The following RBFOX1 variants were observed in gnomAD, a reference collection of about 807,000 sequenced individuals.
The protein encoded by RBFOX1 is RNA binding fox-1 homolog 1, also known as RNA binding protein fox-1 homolog 1.
RBFOX1 carries 8 observed loss-of-function variants against 57.7 expected under a neutral mutation model. The observed-to-expected ratio is 0.14, with a 90% confidence interval of 0.08 to 0.25. The LOEUF (loss-of-function observed/expected upper bound fraction) is 0.25. RBFOX1 is among the 10% of genes least tolerant of loss of function. The probability of loss-of-function intolerance (pLI) is 1.00; values close to 1 mark genes in which losing one functional copy is unlikely to be tolerated. For missense variants in RBFOX1, 611 were observed against 548.5 expected, an observed-to-expected ratio of 1.11 and a Z score of -1.14; for synonymous variants, 326 against 222.4, an observed-to-expected ratio of 1.47 and a Z score of -4.15.
rs148931675 is a variant in RBFOX1, at chr16:5,490,801, A to G, written c.258+23547A>G. Among the ~76,000 whole-genome samples the G allele has an allele frequency of 7.4e-3, 1,134 of 152,294 alleles. 10 individuals carry two copies. The highest frequency in any genetic ancestry group is 0.023 in the African/African-American group (941 of 41,568). On this transcript the variant is annotated intron_variant, in intron 2 of 2. Coordinates refer to the RBFOX1 transcript ENST00000585867. Reference sequence around the variant, plus strand: ...GGGCTAGAAGTGCATCCGCCTCTGCACTGGGAGTTTTTCTTCTTAATAAAC... The same window carrying G: ...GGGCTAGAAGTGCATCCGCCTCTGCGCTGGGAGTTTTTCTTCTTAATAAAC...
chr16:6,898,301 G>A (rs1035347066), intron 3 of RBFOX1, among the ~76,000 whole-genome samples: 4 of 152,028 alleles, frequency 2.6e-5, no homozygotes, highest in Non-Finnish European at 5.9e-5. Context: ...GCCCCTCCAC[G>A]ACCTCTCAGA....
chr16:7,359,261 T>A (rs767469222), intron 4 of RBFOX1, among the ~76,000 whole-genome samples: 16 of 152,164 alleles, frequency 1.1e-4, no homozygotes, highest in Non-Finnish European at 2.9e-5. Flanking sequence ...TGAACTATCA[T>A]AGGATATGTA....
rs181563824 is a variant in RBFOX1, at chr16:5,284,312, T to C, written c.219+44207T>C. On this transcript the variant is annotated intron_variant, in intron 1 of 2. Transcript: ENST00000585867. ...AATACACCCGTGTTCCTTTTTTCCC[T>C]CATTATTTATGGTTGCAGTTTGGTG... Among the ~76,000 whole-genome samples the C allele has an allele frequency of 1.8e-3, 267 of 152,300 alleles. 2 individuals carry two copies. The highest frequency in any genetic ancestry group is 6.2e-3 in the African/African-American group (257 of 41,560).
At chr16:6,391,017 C>T (rs141718465) in intron 2 of RBFOX1, among the ~76,000 whole-genome samples, 10 of 152,194 alleles carry the variant, frequency 6.6e-5, no homozygotes, top group Non-Finnish European at 1.0e-4. Flanking sequence ...GCCTCTCTGG[C>T]CTCTACCCAC....
chr16:6,935,057 C>T (rs1009714397), intron 3 of RBFOX1, among the ~76,000 whole-genome samples: 1 of 151,912 alleles, frequency 6.6e-6, no homozygotes, highest in Non-Finnish European at 1.5e-5. Context: ...TTCCACTGCA[C>T]TCCAGCCTGC....
intron 3 of RBFOX1, among the ~76,000 whole-genome samples, chr16:6,874,823 G>A (rs1349311024): frequency 2.0e-5 from 3 of 152,154 alleles, no homozygotes; most frequent in Non-Finnish European, 4.4e-5. Context: ...TACTGATTGG[G>A]TGATGGGTGC....
chr16:6,346,495 C>G (rs75048589), intron 2 of RBFOX1, among the ~76,000 whole-genome samples: 4,375 of 142,682 alleles, frequency 0.031, 176 homozygotes, highest in African/African-American at 0.095. Context: ...ACTGTTCCAA[C>G]GAGGCAAGGC....
chr16:6,831,708 C>G (rs2092720447), intron 3 of RBFOX1, among the ~76,000 whole-genome samples: 1 of 152,132 alleles, frequency 6.6e-6, no homozygotes, highest in Admixed American at 6.5e-5. Context: ...CTCTTTGCCC[C>G]TTCCTCCATC....
intron 3 of RBFOX1, among the ~76,000 whole-genome samples, chr16:5,641,092 CCATGCATACA>C (rs1036101091): frequency 6.6e-6 from 1 of 151,662 alleles, no homozygotes; most frequent in Non-Finnish European, 1.5e-5. Context: ...CACATGCACA[CCATGCATACA>C]CATGCATACA....
chr16:7,371,881 A>T (rs562935082), intron 4 of RBFOX1, among the ~76,000 whole-genome samples: 1 of 151,872 alleles, frequency 6.6e-6, no homozygotes, highest in East Asian at 2.1e-4. Flanking sequence ...GCTTAATTTC[A>T]CTTGATGATA....
At chr16:6,348,199 C>T (rs994440786) in intron 2 of RBFOX1, among the ~76,000 whole-genome samples, 1 of 152,122 alleles carries the variant, frequency 6.6e-6, no homozygotes. Context: ...ATGTGGGGCA[C>T]ATGTGGGGTC....
chr16:7,313,473 G>A (rs5009030), intron 4 of RBFOX1, among the ~76,000 whole-genome samples: 1 of 132,278 alleles, frequency 7.6e-6, no homozygotes, highest in Non-Finnish European at 1.6e-5. Context: ...TTCTTTTCTT[G>A]TCTTTTTTTT....
chr16:5,983,703 G>C (rs1391287776), intron 4 of RBFOX1, among the ~76,000 whole-genome samples: 1 of 152,156 alleles, frequency 6.6e-6, no homozygotes, highest in East Asian at 1.9e-4. Context: ...ACACCCAAGA[G>C]AGCATCGAGT....
intron 4 of RBFOX1, among the ~76,000 whole-genome samples, chr16:7,494,829 ACTTTT>A (rs2068063637): frequency 4.9e-5 from 1 of 20,552 alleles, no homozygotes; most frequent in African/African-American, 1.6e-4. Context: ...TGTGTTACCT[ACTTTT>A]TTTTTTTTTT....
At chr16:6,645,860 G>A (rs935288822) in intron 2 of RBFOX1, among the ~76,000 whole-genome samples, 7 of 152,050 alleles carry the variant, frequency 4.6e-5, no homozygotes, top group East Asian at 1.9e-4. Context: ...TTACAAATAG[G>A]GAAAGTGAGG....
chr16:7,412,848 C>G (rs890887787), intron 4 of RBFOX1, among the ~76,000 whole-genome samples: 2 of 152,172 alleles, frequency 1.3e-5, no homozygotes, highest in African/African-American at 4.8e-5. Flanking sequence ...CGAGACCATC[C>G]TGGCTAACAC....
chr16:6,939,349 T>A (rs566789049), intron 3 of RBFOX1, among the ~76,000 whole-genome samples: 3 of 151,950 alleles, frequency 2.0e-5, no homozygotes, highest in African/African-American at 7.2e-5. Context: ...ATATATAAAT[T>A]GGTCCAAAGT....
chr16:7,491,574 G>T (rs1000587546), intron 4 of RBFOX1, among the ~76,000 whole-genome samples: 1 of 151,642 alleles, frequency 6.6e-6, no homozygotes. Flanking sequence ...AATTAGTTCT[G>T]TCTCTCTCTA....
intron 1 of RBFOX1, among the ~76,000 whole-genome samples, chr16:6,215,228 G>C (rs778295178): frequency 1.5e-5 from 2 of 137,060 alleles, no homozygotes; most frequent in South Asian, 5.2e-4. Context: ...GAGAGACAAA[G>C]AGGGGAAGAA....
Sources: allele counts gnomAD v4.1 joint callset (sites outside exome capture counted in the v4.1 genomes callset), GRCh38; gene constraint gnomAD v4.1.1; transcripts MANE v1.5; gene names NCBI Gene and HGNC (gene_info 2026-07-23, HGNC 2026-07-21).